Variants in HYCC1 observed in about 807,000 individuals in gnomAD.
HYCC1 encodes the protein hyccin PI4KA lipid kinase complex subunit 1.
At chr7:22,928,507 T>C in the HYCC1 span, among the ~76,000 whole-genome samples, 2 of 152,136 alleles carry the variant, frequency 1.3e-5, no homozygotes, top group Non-Finnish European at 2.9e-5. Context: ...ACAAAATCAA[T>C]GTGAAAAAAT....
chr7:22,996,194 G>A, the HYCC1 span, among the ~76,000 whole-genome samples: 2 of 151,262 alleles, frequency 1.3e-5, no homozygotes, highest in Non-Finnish European at 2.9e-5. Context: ...TTGGGAGGCT[G>A]AGATAGAAGA....
chr7:22,976,679 TC>T, the HYCC1 span: 1 of 1,465,820 alleles, frequency 6.8e-7, no homozygotes, highest in Non-Finnish European at 9.6e-7. Context: ...AGAATTTTTA[TC>T]CCCACAGTAT....
the HYCC1 span, among the ~76,000 whole-genome samples, chr7:23,010,277 T>G: frequency 3.5e-3 from 531 of 152,294 alleles, 5 homozygotes; most frequent in African/African-American, 0.012. Context: ...TTCTATCTCC[T>G]CAGGGTCTTA....
chr7:22,954,747 T>C, the HYCC1 span, among the ~76,000 whole-genome samples: 34 of 151,690 alleles, frequency 2.2e-4, no homozygotes, highest in African/African-American at 7.9e-4. Context: ...ATATATACAG[T>C]TGCTACTTTT....
the HYCC1 span, among the ~76,000 whole-genome samples, chr7:22,912,687 C>T: frequency 4.6e-5 from 7 of 152,206 alleles, no homozygotes; most frequent in African/African-American, 1.7e-4. Context: ...GAGTTCCAAT[C>T]TTTCCCCAAA....
chr7:22,899,954 G>A, the HYCC1 span, among the ~76,000 whole-genome samples: 6 of 151,812 alleles, frequency 4.0e-5, no homozygotes, highest in Admixed American at 1.3e-4. Context: ...GATTCTTTAG[G>A]AAATTTCATT....
chr7:22,914,124 G>A, the HYCC1 span, among the ~76,000 whole-genome samples: 1 of 152,238 alleles, frequency 6.6e-6, no homozygotes, highest in South Asian at 2.1e-4. Context: ...CACAGACTCA[G>A]GAAGACAGTC....
chr7:22,980,048 A>T, the HYCC1 span, among the ~76,000 whole-genome samples: 1 of 152,184 alleles, frequency 6.6e-6, no homozygotes, highest in Admixed American at 6.6e-5. Flanking sequence ...TAAGACAAAG[A>T]GGCTATCCAC....
At chr7:23,013,411 G>C in the HYCC1 span, among the ~76,000 whole-genome samples, 4 of 152,362 alleles carry the variant, frequency 2.6e-5, no homozygotes, top group East Asian at 1.9e-4. Flanking sequence ...AGTGACCATT[G>C]TGGCCACCAG....
the HYCC1 span, among the ~76,000 whole-genome samples, chr7:23,002,134 TTG>T: frequency 1.1e-5 from 1 of 93,244 alleles, no homozygotes; most frequent in Admixed American, 1.5e-4. Context: ...ATGGTAAAAA[TTG>T]TATATATATA....
the HYCC1 span, among the ~76,000 whole-genome samples, chr7:22,993,873 T>C: frequency 2.6e-5 from 4 of 152,174 alleles, no homozygotes; most frequent in Admixed American, 1.3e-4. Context: ...TATATACATA[T>C]ACTCTACGAA....
the HYCC1 span, among the ~76,000 whole-genome samples, chr7:22,902,704 G>T: frequency 2.0e-5 from 3 of 151,968 alleles, no homozygotes; most frequent in Non-Finnish European, 4.4e-5. Context: ...TGGAACTATT[G>T]CATATCTATA....
the HYCC1 span, among the ~76,000 whole-genome samples, chr7:22,965,232 G>A: frequency 4.6e-5 from 7 of 151,378 alleles, no homozygotes. Flanking sequence ...CAAAGTTCTT[G>A]ACACAAACTG....
the HYCC1 span, among the ~76,000 whole-genome samples, chr7:22,923,663 A>C: frequency 1.3e-5 from 2 of 152,204 alleles, no homozygotes; most frequent in Non-Finnish European, 2.9e-5. Flanking sequence ...AGACTGAATA[A>C]GATTAAGACA....
At chr7:22,989,285 AACACACACACACAC>A in the HYCC1 span, among the ~76,000 whole-genome samples, 1,125 of 148,672 alleles carry the variant, frequency 7.6e-3, 11 homozygotes, top group African/African-American at 0.016. Flanking sequence ...ACAAGCAGGA[AACACACACACACAC>A]ACACACACAC....
the HYCC1 span, among the ~76,000 whole-genome samples, chr7:22,954,400 T>C: frequency 6.6e-6 from 1 of 151,180 alleles, no homozygotes; most frequent in Non-Finnish European, 1.5e-5. Context: ...TTGCAATCTT[T>C]TATTCTTTTC....
the HYCC1 span, among the ~76,000 whole-genome samples, chr7:22,979,753 C>G: frequency 6.6e-6 from 1 of 152,018 alleles, no homozygotes; most frequent in African/African-American, 2.4e-5. Flanking sequence ...TGTATGAACA[C>G]ATAATTTTAA....
At chr7:22,955,941 A>C in the HYCC1 span, among the ~76,000 whole-genome samples, 1 of 151,756 alleles carries the variant, frequency 6.6e-6, no homozygotes, top group South Asian at 2.1e-4. Flanking sequence ...TTTTATTTTT[A>C]AAAGGAAATA....
chr7:22,973,686 T>C, the HYCC1 span, among the ~76,000 whole-genome samples: 15 of 152,308 alleles, frequency 9.8e-5, no homozygotes, highest in Admixed American at 4.6e-4. Flanking sequence ...CAAAATCCTA[T>C]AGCTAGTTTT....
Sources: gnomAD v4.1 joint callset for allele counts (sites outside exome capture counted in the v4.1 genomes callset) on GRCh38, gnomAD v4.1.1 for gene constraint, MANE v1.5 for transcripts, NCBI Gene and HGNC (gene_info 2026-07-23, HGNC 2026-07-21) for gene names.